CUX2: variants seen among roughly 807,000 people sequenced by gnomAD.
The protein encoded by CUX2 is homeobox protein cut-like 2.
Under a neutral mutation model 144.8 loss-of-function variants are expected in CUX2, and 40 were observed. The ratio of observed to expected loss-of-function variants is 0.28; its 90% CI spans 0.21 to 0.36. The LOEUF (loss-of-function observed/expected upper bound fraction) is 0.36, where lower values mean the gene tolerates loss of function less well. CUX2 is among the 10% of genes least tolerant of loss of function. CUX2 has a pLI of 1.00. For synonymous variants in CUX2, 827 were observed against 875.6 expected, an observed-to-expected ratio of 0.94 and a Z score of 0.98; for missense variants, 1,615 against 1,994.0, an observed-to-expected ratio of 0.81 and a Z score of 3.62.
intron 1 of CUX2, among the ~76,000 whole-genome samples, chr12:111,185,159 T>C (rs1292517845): frequency 6.6e-6 from 1 of 152,248 alleles, no homozygotes; most frequent in Non-Finnish European, 1.5e-5. Flanking sequence ...TGAATATAAG[T>C]AAAGTATCTT....
intron 3 of CUX2, among the ~76,000 whole-genome samples, chr12:111,237,267 A>G (rs555477861): frequency 5.9e-5 from 9 of 152,360 alleles, no homozygotes; most frequent in Non-Finnish European, 1.3e-4. Flanking sequence ...TATCCCAGGT[A>G]GCGAGCTGCT....
At chr12:111,337,773 C>T (rs1340398259) in intron 19 of CUX2, among the ~76,000 whole-genome samples, 1 of 152,204 alleles carries the variant, frequency 6.6e-6, no homozygotes. Flanking sequence ...CAGTGGCTCA[C>T]GCCTGTAATT....
chr12:111,174,760 C>T (rs934055968), intron 1 of CUX2, among the ~76,000 whole-genome samples: 2 of 152,318 alleles, frequency 1.3e-5, no homozygotes, highest in East Asian at 1.9e-4. Flanking sequence ...CATCACCACC[C>T]GTGAACCCTA....
chr12:111,328,619 T>TGTGTGTGTGTGTGA (rs757660183), intron 18 of CUX2, among the ~76,000 whole-genome samples: 1 of 148,616 alleles, frequency 6.7e-6, no homozygotes, highest in African/African-American at 2.5e-5. Flanking sequence ...TGTGTGTGTG[T>TGTGTGTGTGTGTGA]GACAGAGTCT....
chr12:111,155,932 A>T lies in CUX2; in HGVS notation c.64-58268A>T, dbSNP rs567603560. On this transcript the variant is annotated intron_variant, in intron 1 of 21. Coordinates refer to ENST00000261726, the MANE Select transcript of CUX2 (RefSeq NM_015267.4). ...GAAACAGCTTAAAAAATAAAAAAAA[A>T]AAATAAAAATAAAAACCAGCCAACA... Among the ~76,000 whole-genome samples, 967 of 151,022 alleles carry T rather than the reference A, an allele frequency of 6.4e-3. 11 individuals carry two copies. The highest frequency in any genetic ancestry group is 0.018 in the African/African-American group (729 of 40,340).
chr12:111,348,031 C>T lies in CUX2; in HGVS notation c.4167C>T (p.Cys1389=). The change falls in exon 22 of 22, where the codon TGC becomes TGT. Residue 1389 remains cysteine, a synonymous_variant. Coordinates refer to ENST00000261726, the MANE Select transcript of CUX2 (RefSeq NM_015267.4). ...AGTCAGCCTCAGAGTCCTCACGCTG[C>T]AGCCTGGAGGTGTCACTGAACTCGC... ...SFKSASESSR[C]SLEVSLNSPS... 6.2e-7 allele frequency: 1 copy of T among 1,614,114 alleles called. No homozygotes were observed. The highest frequency in any genetic ancestry group is 8.5e-7 in the Non-Finnish European group (1 of 1,180,038).
intron 3 of CUX2, among the ~76,000 whole-genome samples, chr12:111,231,803 G>A (rs538296358): frequency 5.3e-5 from 8 of 152,274 alleles, no homozygotes; most frequent in Non-Finnish European, 8.8e-5. Context: ...GTCATCTAGA[G>A]ATGATTTAAA....
intron 16 of CUX2, among the ~76,000 whole-genome samples, chr12:111,316,352 G>A (rs1215352517): frequency 1.3e-5 from 2 of 148,270 alleles, no homozygotes; most frequent in East Asian, 4.0e-4. Context: ...CTCCGTGTTG[G>A]TCAGGCTGGT....
At chr12:111,331,032 T>C (rs1409439871) in intron 18 of CUX2, among the ~76,000 whole-genome samples, 2 of 151,786 alleles carry the variant, frequency 1.3e-5, no homozygotes, top group East Asian at 3.9e-4. Flanking sequence ...AAGACCAGCC[T>C]GAGCAAAGAC....
intron 4 of CUX2, among the ~76,000 whole-genome samples, chr12:111,273,318 C>A (rs1401961566): frequency 6.6e-6 from 1 of 152,086 alleles, no homozygotes; most frequent in African/African-American, 2.4e-5. Context: ...CACACCCATA[C>A]CCTGGGAGGT....
At chr12:111,303,399 G>A (rs1886405162) in intron 9 of CUX2, among the ~76,000 whole-genome samples, 1 of 152,000 alleles carries the variant, frequency 6.6e-6, no homozygotes, top group Admixed American at 6.6e-5. Flanking sequence ...ACTTTGGGAG[G>A]CTGAAGCGGG....
chr12:111,326,640 A>C (rs1220759542), intron 18 of CUX2, among the ~76,000 whole-genome samples: 1 of 152,006 alleles, frequency 6.6e-6, no homozygotes, highest in Non-Finnish European at 1.5e-5. Flanking sequence ...ACCGTGGCTC[A>C]CACCTGTAAT....
At chr12:111,048,388 C>T (rs1870099590) in intron 1 of CUX2, among the ~76,000 whole-genome samples, 1 of 152,130 alleles carries the variant, frequency 6.6e-6, no homozygotes, top group African/African-American at 2.4e-5. Flanking sequence ...TAGCACTCTA[C>T]AGCATTGTGG....
At chr12:111,134,622 G>C (rs368933093) in intron 1 of CUX2, among the ~76,000 whole-genome samples, 1,373 of 133,302 alleles carry the variant, frequency 0.01, 8 homozygotes, top group South Asian at 0.035. Context: ...CTCTCTCTCT[G>C]TGTGTGTGTG....
intron 1 of CUX2, among the ~76,000 whole-genome samples, chr12:111,144,338 C>T (rs78564117): frequency 0.064 from 9,709 of 152,250 alleles, 994 homozygotes; most frequent in African/African-American, 0.22. Context: ...CTGCCTTTTC[C>T]GGAGCCATCA....
chr12:111,191,162 A>T (rs2080345328), intron 1 of CUX2, among the ~76,000 whole-genome samples: 1 of 152,138 alleles, frequency 6.6e-6, no homozygotes, highest in South Asian at 2.1e-4. Flanking sequence ...TTTCCCATGT[A>T]TAAAATGGGG....
chr12:111,202,339 A>G (rs1880645276), intron 1 of CUX2, among the ~76,000 whole-genome samples: 2 of 152,218 alleles, frequency 1.3e-5, no homozygotes. Flanking sequence ...ACTCCGGAAT[A>G]TAAATCAGCA....
At chr12:111,274,322 C>G (rs1208899463) in intron 4 of CUX2, among the ~76,000 whole-genome samples, 2 of 152,154 alleles carry the variant, frequency 1.3e-5, no homozygotes, top group Non-Finnish European at 2.9e-5. Flanking sequence ...CTCAGCCAAC[C>G]TCTCTGAGCA....
chr12:111,169,781 A>G (rs1878398642), intron 1 of CUX2, among the ~76,000 whole-genome samples: 1 of 152,218 alleles, frequency 6.6e-6, no homozygotes, highest in Non-Finnish European at 1.5e-5. Context: ...TTAGCTGATA[A>G]TAGACCCTGA....
Sources: gnomAD v4.1 joint callset for allele counts (sites outside exome capture counted in the v4.1 genomes callset) on GRCh38, gnomAD v4.1.1 for gene constraint, MANE v1.5 for transcripts, NCBI Gene and HGNC (gene_info 2026-07-23, HGNC 2026-07-21) for gene names.